The following EXOC6B variants were observed in gnomAD, a reference collection of about 807,000 sequenced individuals.
The protein encoded by EXOC6B is exocyst complex component 6B.
EXOC6B carries 54 observed loss-of-function variants against 113.5 expected under a neutral mutation model. The observed-to-expected ratio is 0.48, with a 90% confidence interval of 0.38 to 0.60. The LOEUF (loss-of-function observed/expected upper bound fraction) is 0.60, where lower values mean the gene tolerates loss of function less well. Ranked by LOEUF, EXOC6B falls within the 20% of genes least tolerant of loss-of-function variation. The probability of loss-of-function intolerance (pLI) is 0.00; values close to 1 mark genes in which losing one functional copy is unlikely to be tolerated. For missense variants in EXOC6B, 797 were observed against 977.5 expected (o/e 0.82, Z 2.46); for synonymous variants, 357 against 339.0 (o/e 1.05, Z -0.58).
intron 1 of EXOC6B, among the ~76,000 whole-genome samples, chr2:72,808,534 G>C (rs1193419480): frequency 1.3e-5 from 2 of 152,146 alleles, no homozygotes; most frequent in African/African-American, 4.8e-5. Context: ...CAAGGCAGGA[G>C]GATGGCTTGA....
chr2:72,323,400 G>C (rs759715317), intron 20 of EXOC6B, among the ~76,000 whole-genome samples: 23 of 152,162 alleles, frequency 1.5e-4, no homozygotes, highest in Non-Finnish European at 2.9e-5. Context: ...GTGTAAATAA[G>C]TTCAACCATT....
At chr2:72,352,473 G>A (rs1453019914) in intron 19 of EXOC6B, among the ~76,000 whole-genome samples, 1 of 152,052 alleles carries the variant, frequency 6.6e-6, no homozygotes, top group Non-Finnish European at 1.5e-5. Context: ...AGAATGCTAA[G>A]GTGATATTTG....
At chr2:72,385,443 A>C (rs1208707718) in intron 18 of EXOC6B, among the ~76,000 whole-genome samples, 2 of 151,922 alleles carry the variant, frequency 1.3e-5, no homozygotes, top group African/African-American at 4.8e-5. Flanking sequence ...CATGACATTG[A>C]TCTGTACAAT....
chr2:72,281,617 G>A (rs987733901), intron 20 of EXOC6B, among the ~76,000 whole-genome samples: 1 of 152,162 alleles, frequency 6.6e-6, no homozygotes. Context: ...GAAGCGGAAA[G>A]CAAAACAACA....
intron 20 of EXOC6B, among the ~76,000 whole-genome samples, chr2:72,187,733 C>T (rs1678532839): frequency 6.6e-6 from 1 of 152,132 alleles, no homozygotes; most frequent in African/African-American, 2.4e-5. Flanking sequence ...GGTCCACAGG[C>T]AGCCAAGTCC....
chr2:72,328,865 C>T (rs1688280488), intron 20 of EXOC6B, among the ~76,000 whole-genome samples: 1 of 152,062 alleles, frequency 6.6e-6, no homozygotes, highest in African/African-American at 2.4e-5. Flanking sequence ...TATGGCTTAA[C>T]TCATTCCTTC....
chr2:72,801,412 T>G (rs1685264869), intron 1 of EXOC6B, among the ~76,000 whole-genome samples: 1 of 152,148 alleles, frequency 6.6e-6, no homozygotes, highest in East Asian at 1.9e-4. Context: ...AATACATCAC[T>G]GAAAAAATGG....
chr2:72,630,232 A>G (rs1340229701), intron 6 of EXOC6B, among the ~76,000 whole-genome samples: 1 of 152,132 alleles, frequency 6.6e-6, no homozygotes, highest in Admixed American at 6.6e-5. Context: ...ACCCTCTAAC[A>G]TGCATCATCC....
chr2:72,447,108 A>T (rs1374708734), intron 18 of EXOC6B, among the ~76,000 whole-genome samples: 1 of 152,192 alleles, frequency 6.6e-6, no homozygotes, highest in African/African-American at 2.4e-5. Flanking sequence ...GTCTCAAAAA[A>T]AAAAAAAAGA....
At chr2:72,401,061 T>C (rs1693115159) in intron 18 of EXOC6B, among the ~76,000 whole-genome samples, 1 of 151,816 alleles carries the variant, frequency 6.6e-6, no homozygotes, top group Non-Finnish European at 1.5e-5. Flanking sequence ...CAACAGAAGG[T>C]TGGACAAAGA....
chr2:72,412,117 A>C (rs566131355), intron 18 of EXOC6B, among the ~76,000 whole-genome samples: 183 of 152,298 alleles, frequency 1.2e-3, no homozygotes, highest in African/African-American at 4.1e-3. Context: ...AATCTGAAGA[A>C]TTATGAAGAA....
intron 19 of EXOC6B, among the ~76,000 whole-genome samples, chr2:72,361,084 CA>C (rs1381485322): frequency 1.3e-5 from 2 of 151,968 alleles, no homozygotes; most frequent in African/African-American, 4.8e-5. Context: ...GATCTACATA[CA>C]ACAGTGTTAA....
At chr2:72,686,664 G>C (rs999008377) in intron 6 of EXOC6B, among the ~76,000 whole-genome samples, 11 of 151,990 alleles carry the variant, frequency 7.2e-5, no homozygotes, top group African/African-American at 2.7e-4. Flanking sequence ...AATTATTTAT[G>C]TTCAAAGACT....
intron 8 of EXOC6B, among the ~76,000 whole-genome samples, chr2:72,558,382 A>G (rs188153158): frequency 2.6e-5 from 4 of 152,282 alleles, no homozygotes; most frequent in Admixed American, 1.3e-4. Context: ...AATCTAACCA[A>G]TAAAACTACC....
intron 8 of EXOC6B, among the ~76,000 whole-genome samples, chr2:72,553,406 T>C (rs887875818): frequency 5.3e-5 from 8 of 152,116 alleles, no homozygotes; most frequent in African/African-American, 1.4e-4. Context: ...TCAATTCAAA[T>C]CAAAATTCTA....
chr2:72,305,068 C>A (rs1461931778), intron 20 of EXOC6B, among the ~76,000 whole-genome samples: 1 of 152,100 alleles, frequency 6.6e-6, no homozygotes, highest in Non-Finnish European at 1.5e-5. Flanking sequence ...AAATATTCAC[C>A]ATATGACAGG....
At chr2:72,486,027 T>TTAGTTCTAAATAATTTA (rs1699403731) in intron 16 of EXOC6B, among the ~76,000 whole-genome samples, 2 of 152,222 alleles carry the variant, frequency 1.3e-5, no homozygotes, top group Non-Finnish European at 2.9e-5. Flanking sequence ...GAACTAGTAT[T>TTAGTTCTAAATAATTTA]GATATGAACT....
At chr2:72,207,591 C>T (rs1397811969) in intron 20 of EXOC6B, among the ~76,000 whole-genome samples, 2 of 152,096 alleles carry the variant, frequency 1.3e-5, no homozygotes, top group African/African-American at 4.8e-5. Flanking sequence ...TGGTAAATTC[C>T]TGGAAGCAGA....
chr2:72,251,474 T>A (rs1559060480), intron 20 of EXOC6B, among the ~76,000 whole-genome samples: 1 of 152,204 alleles, frequency 6.6e-6, no homozygotes, highest in African/African-American at 2.4e-5. Context: ...GTTATTCACG[T>A]GAAACTAAAG....
Sources: gnomAD v4.1 joint callset for allele counts (sites outside exome capture counted in the v4.1 genomes callset) on GRCh38, gnomAD v4.1.1 for gene constraint, MANE v1.5 for transcripts, NCBI Gene and HGNC (gene_info 2026-07-23, HGNC 2026-07-21) for gene names.